GFRA1: variants seen among roughly 807,000 people sequenced by gnomAD.
The protein encoded by GFRA1 is GDNF family receptor alpha-1.
GFRA1 carries 16 observed loss-of-function variants against 51.6 expected under a neutral mutation model. The ratio of observed to expected loss-of-function variants is 0.31; its 90% CI spans 0.21 to 0.47. The LOEUF (loss-of-function observed/expected upper bound fraction) is 0.47. Among genes scored for constraint, GFRA1 ranks in the 20% least tolerant of loss-of-function variants. The pLI, the probability that GFRA1 is intolerant of heterozygous loss-of-function variation, is 1.00. For synonymous variants in GFRA1, 270 were observed against 241.3 expected (o/e 1.12, Z -1.10); for missense variants, 530 against 594.3 (o/e 0.89, Z 1.13).
chr10:116,255,831 A>G, intron 4 of GFRA1: 1 of 1,002,980 alleles, frequency 1.0e-6, no homozygotes, highest in Non-Finnish European at 1.3e-6. Flanking sequence ...AAAAAACCTG[A>G]GTTACTGCTT....
intron 5 of GFRA1, among the ~76,000 whole-genome samples, chr10:116,145,900 T>A (rs1057387167): frequency 6.6e-6 from 1 of 152,112 alleles, no homozygotes; most frequent in African/African-American, 2.4e-5. Flanking sequence ...CTATAGTATA[T>A]CAAGATGGAT....
rs1047142036 is a variant in GFRA1 at position 116,063,190 on chromosome 10, A to G, written c.*1208T>C. ...CCTTTGTCAGATAACCTGAAAACCAAGGTACTGGATTGTGTCATGACAAGT... is the reference window on the plus strand; with the variant it reads ...CCTTTGTCAGATAACCTGAAAACCAGGGTACTGGATTGTGTCATGACAAGT... On this transcript the variant is annotated 3_prime_UTR_variant, in exon 11 of 11. Transcript: ENST00000355422. The G allele has an allele frequency of 1.3e-5, 2 of 152,230 alleles. No individual in the cohort carries two copies. The highest frequency in any genetic ancestry group is 4.8e-5 in the African/African-American group (2 of 41,456). 9.4% of individuals were successfully genotyped at this position (152,230 alleles called of 1,614,324 possible).
chr10:116,131,985 T>C (rs1958124264), intron 5 of GFRA1, among the ~76,000 whole-genome samples: 2 of 150,260 alleles, frequency 1.3e-5, no homozygotes, highest in South Asian at 4.2e-4. Context: ...CGTGGGAGGA[T>C]TGCTTGAGAC....
At chr10:116,195,407 A>G (rs1244104492) in intron 5 of GFRA1, among the ~76,000 whole-genome samples, 1 of 152,202 alleles carries the variant, frequency 6.6e-6, no homozygotes, top group Non-Finnish European at 1.5e-5. Flanking sequence ...TTCGTGGAAG[A>G]CAACTTTTCC....
intron 5 of GFRA1, among the ~76,000 whole-genome samples, chr10:116,160,186 T>C (rs1020404167): frequency 1.3e-5 from 2 of 152,242 alleles, no homozygotes; most frequent in African/African-American, 2.4e-5. Context: ...TTACAAATAA[T>C]GTGGCAGGAA....
At chr10:116,126,106 G>A (rs1363839737) in intron 5 of GFRA1, among the ~76,000 whole-genome samples, 2 of 152,156 alleles carry the variant, frequency 1.3e-5, no homozygotes, top group Non-Finnish European at 2.9e-5. Flanking sequence ...CCACCACAAC[G>A]AAGCTGTATT....
intron 4 of GFRA1, among the ~76,000 whole-genome samples, chr10:116,213,598 G>A (rs763709952): frequency 7.9e-5 from 12 of 152,214 alleles, no homozygotes; most frequent in Non-Finnish European, 1.0e-4. Flanking sequence ...TAAAAACTAA[G>A]TAGGAACTAT....
intron 5 of GFRA1, among the ~76,000 whole-genome samples, chr10:116,139,450 C>T (rs1166447697): frequency 6.6e-6 from 1 of 152,204 alleles, no homozygotes; most frequent in Non-Finnish European, 1.5e-5. Context: ...TGTGCCTTTT[C>T]TAATAGAGAT....
intron 9 of GFRA1, among the ~76,000 whole-genome samples, chr10:116,066,536 G>A (rs543113829): frequency 5.9e-5 from 9 of 152,262 alleles, no homozygotes; most frequent in African/African-American, 1.2e-4. Context: ...TAATTACAGT[G>A]AAAATGCGTG....
chr10:116,212,202 T>G (rs1023301408), intron 4 of GFRA1, among the ~76,000 whole-genome samples: 1 of 151,994 alleles, frequency 6.6e-6, no homozygotes, highest in African/African-American at 2.4e-5. Flanking sequence ...ATACCCTAAA[T>G]GCCAATTACA....
At position 116,058,037 on chromosome 10, in the gene GFRA1, T is replaced by TGAGA. The variant is rs1375222755; in HGVS notation, c.*6360_*6361insTCTC. On this transcript the variant is annotated 3_prime_UTR_variant, in exon 11 of 11. Transcript: ENST00000355422. Reference sequence around the variant, plus strand: ...GTGTGTGTGTGTGTGTGTGTGTGTGTGTGTGACAGAGAGAACCACGCTTTA... The same window carrying TGAGA: ...GTGTGTGTGTGTGTGTGTGTGTGTGTGAGAGTGTGACAGAGAGAACCACGCTTTA... 2 of 118,310 alleles carry TGAGA rather than the reference T, an allele frequency of 1.7e-5. No homozygotes were observed. Among genetic ancestry groups the TGAGA allele is most frequent in the South Asian group, 2.7e-4 (1 of 3,728 alleles). The allele number at this position is 118,310 out of a possible 1,614,324, so 7.3% of individuals were successfully genotyped here. A position where few individuals can be genotyped will look rare whatever the true frequency, so the allele number is the denominator to read the frequency against.
intron 5 of GFRA1, 29 bp downstream of exon 5, chr10:116,211,602 A>C: frequency 6.5e-7 from 1 of 1,542,542 alleles, no homozygotes; most frequent in Non-Finnish European, 8.8e-7. Flanking sequence ...ACAGCCAGTG[A>C]AAAAGCAGGC....
rs548044268 is a variant in GFRA1, at chr10:116,060,373, C to T, written c.*4025G>A. 2.0e-4 allele frequency: 30 copies of T among 152,292 alleles called. No individual in the cohort carries two copies. The highest frequency in any genetic ancestry group is 1.2e-3 in the Admixed American group (18 of 15,290). 9.4% of individuals were successfully genotyped at this position (152,292 alleles called of 1,614,324 possible). A position where few individuals can be genotyped will look rare whatever the true frequency, so the allele number is the denominator to read the frequency against. ...TCTGTCGTTCGGATATTATCAATAG[C>T]TCTGGCTTCCTGTCTCTAAAGAACT... On this transcript the variant is annotated 3_prime_UTR_variant, in exon 11 of 11. Coordinates refer to ENST00000355422, the MANE Select transcript of GFRA1 (RefSeq NM_005264.8).
chr10:116,192,583 T>TCTTGC (rs1463255868), intron 5 of GFRA1, among the ~76,000 whole-genome samples: 1 of 152,168 alleles, frequency 6.6e-6, no homozygotes, highest in Non-Finnish European at 1.5e-5. Flanking sequence ...AACTGTAGAC[T>TCTTGC]CTGAGAATTG....
chr10:116,265,701 C>G (rs930263693), intron 4 of GFRA1, among the ~76,000 whole-genome samples: 1 of 152,156 alleles, frequency 6.6e-6, no homozygotes. Context: ...GTGGCTTCTG[C>G]CTCTGAGCCT....
chr10:116,123,276 G>C (rs1957721339), intron 6 of GFRA1, among the ~76,000 whole-genome samples: 1 of 152,204 alleles, frequency 6.6e-6, no homozygotes, highest in Non-Finnish European at 1.5e-5. Flanking sequence ...CAGGGGCTTG[G>C]AAGTGAGGAA....
intron 8 of GFRA1, 117 bp downstream of exon 8, chr10:116,093,585 T>C: frequency 1.1e-6 from 1 of 875,246 alleles, no homozygotes; most frequent in South Asian, 1.4e-5. Flanking sequence ...AGGCACAAGG[T>C]ACAAGAGGTA....
chr10:116,209,652 T>C (rs1333601615), intron 5 of GFRA1, among the ~76,000 whole-genome samples: 1 of 151,880 alleles, frequency 6.6e-6, no homozygotes, highest in Non-Finnish European at 1.5e-5. Context: ...ATATTTCAAC[T>C]AAATGGTACA....
At chr10:116,098,296 G>A (rs745363750) in intron 6 of GFRA1, among the ~76,000 whole-genome samples, 7 of 152,222 alleles carry the variant, frequency 4.6e-5, no homozygotes, top group African/African-American at 9.7e-5. Flanking sequence ...GCGTGTGTAC[G>A]CACCTGAGTG....
Sources: gnomAD v4.1 joint callset for allele counts (sites outside exome capture counted in the v4.1 genomes callset) on GRCh38, gnomAD v4.1.1 for gene constraint, MANE v1.5 for transcripts, NCBI Gene and HGNC (gene_info 2026-07-23, HGNC 2026-07-21) for gene names.